QRICH1: variants seen among roughly 807,000 people sequenced by gnomAD.
QRICH1 encodes the protein transcriptional regulator QRICH1.
In QRICH1, 16 loss-of-function variants were observed where a neutral mutation model predicts 87.1. The observed-to-expected ratio is 0.18, with a 90% CI of 0.12 to 0.28. The LOEUF (loss-of-function observed/expected upper bound fraction) is 0.28, where lower values mean the gene tolerates loss of function less well. QRICH1 is among the 10% of genes least tolerant of loss of function. The probability of loss-of-function intolerance (pLI) is 1.00; values close to 1 mark genes in which losing one functional copy is unlikely to be tolerated. For missense variants in QRICH1, 647 were observed against 951.7 expected (o/e 0.68, Z 4.21); for synonymous variants, 367 against 368.4 (o/e 1.00, Z 0.05).
chr3:49,088,808 G>A (rs1185986135), intron 1 of QRICH1, among the ~76,000 whole-genome samples: 1 of 151,350 alleles, frequency 6.6e-6, no homozygotes, highest in Non-Finnish European at 1.5e-5. Context: ...TTTTTCTGTA[G>A]AAATGGGGTC....
intron 2 of QRICH1, among the ~76,000 whole-genome samples, chr3:49,071,700 CTTTT>C (rs994691949): frequency 6.6e-6 from 1 of 152,088 alleles, no homozygotes; most frequent in African/African-American, 2.4e-5. Flanking sequence ...CTTCTTTTCT[CTTTT>C]TTTGAGACAC....
chr3:49,045,869 C>T (rs2093336122), intron 5 of QRICH1, among the ~76,000 whole-genome samples: 1 of 151,970 alleles, frequency 6.6e-6, no homozygotes, highest in African/African-American at 2.4e-5. Flanking sequence ...GCTGGGATTA[C>T]AGGTGTGAGA....
At position 49,066,460 on chromosome 3, in the gene QRICH1, CT is replaced by C. The variant is rs1473110985; in HGVS notation, c.310-8571del. On this transcript the variant is annotated intron_variant, in intron 2 of 9. Coordinates refer to ENST00000395443, the MANE Select transcript of QRICH1 (RefSeq NM_198880.3). Reference sequence around the variant, plus strand: ...TTACTGTATTTCTTAATTTACTTTACTTTTCTTTTTTTTTTTTTGTTGAGGC... The same window carrying C: ...TTACTGTATTTCTTAATTTACTTTACTTTCTTTTTTTTTTTTTGTTGAGGC... Among the ~76,000 whole-genome samples, 420 of 150,774 alleles carry C rather than the reference CT, an allele frequency of 2.8e-3. 4 individuals are homozygous for C. Among genetic ancestry groups the C allele is most frequent in the African/African-American group, 9.7e-3 (399 of 41,276 alleles).
chr3:49,034,082 A>T lies in QRICH1; in HGVS notation c.1787-854T>A, dbSNP rs796386740. ...AGACTGATACTCTTTGGGGGATTTT[A>T]TTATTATTATTATTATTATTATTAT... On this transcript the variant is annotated intron_variant, in intron 6 of 9. Coordinates refer to ENST00000395443, the MANE Select transcript of QRICH1 (RefSeq NM_198880.3). Among the ~76,000 whole-genome samples, 5 of 144,830 alleles carry T rather than the reference A, an allele frequency of 3.5e-5. No individual in the cohort carries two copies. The South Asian group carries it at 8.6e-4, about 25-fold the overall frequency.
In QRICH1 at chr3:49,076,884, AACTCCTG is replaced by A; in HGVS notation, c.127_133del (p.Gln43SerfsTer201). On this transcript the variant is annotated frameshift_variant, in exon 2 of 10. Transcript: ENST00000395443. LOFTEE classifies it high-confidence loss of function. The stretch of plus-strand genomic sequence containing the variant: ...CATGGTAGTGGTGGCTGTCTGCTGG[AACTCCTG>A]AAGGGCTTCTGGCCCCTTAGAGGCC... The A allele has an allele frequency of 6.2e-7, 1 of 1,613,968 alleles. No homozygotes were observed. The highest frequency in any genetic ancestry group is 8.5e-7 in the Non-Finnish European group (1 of 1,179,944).
chr3:49,058,298 G>A (rs777083668), intron 2 of QRICH1, among the ~76,000 whole-genome samples: 7 of 151,312 alleles, frequency 4.6e-5, no homozygotes, highest in Non-Finnish European at 7.4e-5. Context: ...TTACAGACAT[G>A]CTGGAGTCTA....
chr3:49,070,186 G>A (rs1444961678), intron 2 of QRICH1, among the ~76,000 whole-genome samples: 1 of 151,876 alleles, frequency 6.6e-6, no homozygotes, highest in East Asian at 1.9e-4. Flanking sequence ...ATAGGCACCT[G>A]CCAACATGCC....
At chr3:49,037,073 T>TTAA (rs372465702) in intron 6 of QRICH1, among the ~76,000 whole-genome samples, 1 of 92,614 alleles carries the variant, frequency 1.1e-5, no homozygotes, top group Admixed American at 1.5e-4. Flanking sequence ...CCCCGTCTCT[T>TTAA]AAAAAAAAAA....
At chr3:49,059,821 T>A (rs1321247405) in intron 2 of QRICH1, among the ~76,000 whole-genome samples, 1 of 151,758 alleles carries the variant, frequency 6.6e-6, no homozygotes. Context: ...GGATTCAAGC[T>A]ATTCTCCTGC....
intron 6 of QRICH1, among the ~76,000 whole-genome samples, chr3:49,036,316 CT>C (rs888909827): frequency 1.4e-4 from 22 of 152,186 alleles, no homozygotes; most frequent in Admixed American, 1.4e-3. Context: ...ATAAGCACCC[CT>C]GGCATACAGA....
intron 3 of QRICH1, among the ~76,000 whole-genome samples, chr3:49,055,407 G>A (rs1327722208): frequency 6.6e-6 from 1 of 152,096 alleles, no homozygotes; most frequent in Non-Finnish European, 1.5e-5. Context: ...TTTAGACAGG[G>A]TCTCACTCTG....
At chr3:49,076,499 T>G (rs1285921740) in intron 2 of QRICH1, among the ~76,000 whole-genome samples, 1 of 148,144 alleles carries the variant, frequency 6.8e-6, no homozygotes. Flanking sequence ...CTATTCAAAG[T>G]CAGTCCTTGA....
At position 49,030,307 on chromosome 3, in the gene QRICH1, T is replaced by C. The variant is rs2093227049; in HGVS notation, c.*145A>G. 6.4e-6 allele frequency: 5 copies of C among 784,290 alleles called. No homozygotes were observed. The South Asian group carries it at 9.8e-5, about 15-fold the overall frequency. The allele number at this position is 784,290 out of a possible 1,614,324, so 48.6% of individuals were successfully genotyped here. A position where few individuals can be genotyped will look rare whatever the true frequency, so the allele number is the denominator to read the frequency against. On this transcript the variant is annotated 3_prime_UTR_variant, in exon 10 of 10. Coordinates refer to ENST00000395443, the MANE Select transcript of QRICH1 (RefSeq NM_198880.3). The stretch of plus-strand genomic sequence containing the variant: ...AGATGCAAAGGGGGCAAAGTTTTCT[T>C]TTATATTTTAAACAGAAGCAGCCTG...
intron 2 of QRICH1, among the ~76,000 whole-genome samples, chr3:49,061,804 T>C (rs2093436695): frequency 2.0e-5 from 3 of 151,840 alleles, no homozygotes; most frequent in African/African-American, 2.4e-5. Flanking sequence ...TGAGCCGAGA[T>C]TGCACCACTG....
intron 3 of QRICH1, among the ~76,000 whole-genome samples, chr3:49,053,075 AG>A (rs2093380470): frequency 1.3e-5 from 2 of 152,196 alleles, no homozygotes; most frequent in African/African-American, 4.8e-5. Flanking sequence ...CTGAACCCTC[AG>A]GAACATCAAC....
At chr3:49,078,939 G>A (rs912397516) in intron 1 of QRICH1, among the ~76,000 whole-genome samples, 14 of 151,782 alleles carry the variant, frequency 9.2e-5, no homozygotes, top group African/African-American at 2.7e-4. Context: ...TGACCCTCCC[G>A]CCTCGGCCTC....
chr3:49,055,534 T>C (rs1175855379), intron 3 of QRICH1, among the ~76,000 whole-genome samples: 1 of 152,174 alleles, frequency 6.6e-6, no homozygotes, highest in Non-Finnish European at 1.5e-5. Flanking sequence ...ACTATATTTT[T>C]TAAATTTTTG....
At chr3:49,078,980 C>T (rs1022480039) in intron 1 of QRICH1, among the ~76,000 whole-genome samples, 6 of 152,072 alleles carry the variant, frequency 3.9e-5, no homozygotes, top group Non-Finnish European at 8.8e-5. Context: ...ACGTGAGCCA[C>T]CCAATTGGTT....
At chr3:49,089,297 TG>T (rs755734905) in intron 1 of QRICH1, among the ~76,000 whole-genome samples, 8 of 151,996 alleles carry the variant, frequency 5.3e-5, no homozygotes, top group Non-Finnish European at 1.0e-4. Flanking sequence ...TGACCTTAGG[TG>T]ATCCGCCCGC....
Sources: allele counts gnomAD v4.1 joint callset (sites outside exome capture counted in the v4.1 genomes callset), GRCh38; gene constraint gnomAD v4.1.1; transcripts MANE v1.5; gene names NCBI Gene and HGNC (gene_info 2026-07-23, HGNC 2026-07-21).